The following CDH10 variants were observed in gnomAD, a reference collection of about 807,000 sequenced individuals.
CDH10 encodes the protein cadherin-10.
Under a neutral mutation model 73.1 loss-of-function variants are expected in CDH10, and 30 were observed. That is an observed-to-expected ratio of 0.41 (90% confidence interval 0.31 to 0.56). The LOEUF (loss-of-function observed/expected upper bound fraction) is 0.56, where lower values mean the gene tolerates loss of function less well. Ranked by LOEUF, CDH10 falls within the 20% of genes least tolerant of loss-of-function variation. The probability of loss-of-function intolerance (pLI) is 0.27; values close to 1 mark genes in which losing one functional copy is unlikely to be tolerated. For missense variants in CDH10, 815 were observed against 973.7 expected (o/e 0.84, Z 2.17); for synonymous variants, 345 against 348.2 (o/e 0.99, Z 0.10).
rs796279185 is a variant in CDH10, at chr5:24,491,242, A to G, written c.1876+334T>C. ...GTCTCAAATTTCCAAGCTCCTACAC[A>G]TGCCATTCTGCATTCATTGTTCTTG... On this transcript the variant is annotated intron_variant, in intron 11 of 11. Transcript: ENST00000264463. Among the ~76,000 whole-genome samples the G allele has an allele frequency of 1.5e-4, 23 of 152,276 alleles. 1 individual carries two copies. Among genetic ancestry groups the G allele is most frequent in the African/African-American group, 5.5e-4 (23 of 41,554 alleles).
chr5:24,639,562 T>A (rs888593324), intron 1 of CDH10, among the ~76,000 whole-genome samples: 24 of 151,760 alleles, frequency 1.6e-4, no homozygotes, highest in African/African-American at 5.1e-4. Flanking sequence ...TTACATATTA[T>A]GCCTACCTCA....
At chr5:24,494,500 C>T (rs1262742504) in intron 9 of CDH10, among the ~76,000 whole-genome samples, 1 of 151,858 alleles carries the variant, frequency 6.6e-6, no homozygotes, top group Non-Finnish European at 1.5e-5. Flanking sequence ...CACATACAGA[C>T]ACAAAAAGTG....
chr5:24,599,185 A>G (rs1270432589), intron 1 of CDH10, among the ~76,000 whole-genome samples: 1 of 152,122 alleles, frequency 6.6e-6, no homozygotes, highest in Non-Finnish European at 1.5e-5. Flanking sequence ...ATTTTACTGT[A>G]GCTAGGATTT....
At chr5:24,506,159 A>T (rs571224352) in intron 7 of CDH10, among the ~76,000 whole-genome samples, 2 of 152,180 alleles carry the variant, frequency 1.3e-5, no homozygotes, top group African/African-American at 4.8e-5. Context: ...GTTTGGGATA[A>T]GAGTTTTTAA....
intron 5 of CDH10, among the ~76,000 whole-genome samples, chr5:24,523,994 A>C (rs6859403): frequency 0.48 from 73,509 of 151,930 alleles, 17,898 homozygotes; most frequent in East Asian, 0.58. Context: ...AATGCACATA[A>C]GTACATTAAT....
intron 6 of CDH10, 26 bp downstream of exon 6, chr5:24,511,301 T>G: frequency 6.9e-7 from 1 of 1,455,236 alleles, no homozygotes; most frequent in Non-Finnish European, 9.6e-7. Flanking sequence ...AACACACAGA[T>G]GCTTATTTAT....
chr5:24,586,205 T>C (rs1745988386), intron 2 of CDH10, among the ~76,000 whole-genome samples: 1 of 152,188 alleles, frequency 6.6e-6, no homozygotes, highest in Non-Finnish European at 1.5e-5. Flanking sequence ...AAGTTCTACA[T>C]TTAATAGCTT....
chr5:24,617,227 G>A (rs1747158215), intron 1 of CDH10, among the ~76,000 whole-genome samples: 1 of 152,076 alleles, frequency 6.6e-6, no homozygotes, highest in Non-Finnish European at 1.5e-5. Context: ...CAGTAGCAAT[G>A]CACCCCTCCT....
At chr5:24,548,520 T>A (rs1744427277) in intron 2 of CDH10, among the ~76,000 whole-genome samples, 1 of 150,162 alleles carries the variant, frequency 6.7e-6, no homozygotes, top group South Asian at 2.1e-4. Context: ...AATCCTTGCT[T>A]TTAAGGCCTT....
intron 11 of CDH10, among the ~76,000 whole-genome samples, chr5:24,489,902 A>G (rs2111624739): frequency 6.6e-6 from 1 of 152,250 alleles, no homozygotes; most frequent in Non-Finnish European, 1.5e-5. Flanking sequence ...GAATCTCTGT[A>G]TACACTGACT....
intron 1 of CDH10, among the ~76,000 whole-genome samples, chr5:24,620,124 C>T (rs1433398500): frequency 6.6e-6 from 1 of 152,100 alleles, no homozygotes; most frequent in African/African-American, 2.4e-5. Context: ...TTTAGTTCTA[C>T]CTTACTAACT....
chr5:24,583,738 C>T (rs927235030), intron 2 of CDH10, among the ~76,000 whole-genome samples: 3 of 152,150 alleles, frequency 2.0e-5, no homozygotes, highest in East Asian at 1.9e-4. Context: ...CTCCGCCTCC[C>T]GGCTTCAAGC....
At chr5:24,561,982 T>C (rs1362383972) in intron 2 of CDH10, among the ~76,000 whole-genome samples, 1 of 145,272 alleles carries the variant, frequency 6.9e-6, no homozygotes, top group African/African-American at 2.6e-5. Context: ...TCAAATTTGA[T>C]TGGAGTCTTT....
chr5:24,616,231 G>T (rs1362293630), intron 1 of CDH10, among the ~76,000 whole-genome samples: 2 of 152,014 alleles, frequency 1.3e-5, no homozygotes, highest in Admixed American at 6.6e-5. Flanking sequence ...CTGTTGCAAA[G>T]ACAAAGTAAT....
At chr5:24,638,571 T>A (rs1747943976) in intron 1 of CDH10, among the ~76,000 whole-genome samples, 1 of 151,850 alleles carries the variant, frequency 6.6e-6, no homozygotes, top group Non-Finnish European at 1.5e-5. Flanking sequence ...AGATTTTCTG[T>A]AAGTTTCTAC....
At position 24,487,656 on chromosome 5, in the gene CDH10, T is replaced by C. The variant is rs1741888139; in HGVS notation, c.*7A>G. On this transcript the variant is annotated 3_prime_UTR_variant, in exon 12 of 12. Transcript: ENST00000264463. ...TTCTCTTGTTTGAACAGAACATATA[T>C]CCTACGTTAAGAGTCTTTGTCACTT... is the stretch of plus-strand genomic sequence containing the variant. 6.2e-7 allele frequency: 1 copy of C among 1,605,518 alleles called. No individual in the cohort carries two copies. The highest frequency in any genetic ancestry group is 1.3e-5 in the African/African-American group (1 of 74,602).
intron 2 of CDH10, among the ~76,000 whole-genome samples, chr5:24,568,204 A>G (rs1745234109): frequency 6.6e-6 from 1 of 152,178 alleles, no homozygotes; most frequent in South Asian, 2.1e-4. Flanking sequence ...AGAAAATATT[A>G]ATATTTTGGA....
At chr5:24,605,784 T>G (rs1746740254) in intron 1 of CDH10, among the ~76,000 whole-genome samples, 1 of 152,204 alleles carries the variant, frequency 6.6e-6, no homozygotes, top group Non-Finnish European at 1.5e-5. Context: ...CTTCTTTATT[T>G]ATAATCATCA....
intron 1 of CDH10, among the ~76,000 whole-genome samples, chr5:24,642,127 C>T (rs1304426287): frequency 6.6e-6 from 1 of 152,050 alleles, no homozygotes; most frequent in South Asian, 2.1e-4. Flanking sequence ...TACTATGAAA[C>T]ACTATTACTG....
Sources: gnomAD v4.1 joint callset for allele counts (sites outside exome capture counted in the v4.1 genomes callset) on GRCh38, gnomAD v4.1.1 for gene constraint, MANE v1.5 for transcripts, NCBI Gene and HGNC (gene_info 2026-07-23, HGNC 2026-07-21) for gene names.